Variants in UBA6 observed in about 807,000 individuals in gnomAD.
UBA6 encodes the protein ubiquitin-like modifier-activating enzyme 6.
UBA6 carries 87 observed loss-of-function variants against 148.3 expected under a neutral mutation model. The observed-to-expected ratio is 0.59, with a 90% CI of 0.49 to 0.70. The LOEUF (loss-of-function observed/expected upper bound fraction) is 0.70. Ranked by LOEUF, UBA6 falls within the 30% of genes least tolerant of loss-of-function variation. UBA6 has a pLI of 0.00. For missense variants in UBA6, 1,186 were observed against 1,241.2 expected (o/e 0.96, Z 0.67); for synonymous variants, 376 against 401.0 (o/e 0.94, Z 0.75).
intron 13 of UBA6, among the ~76,000 whole-genome samples, chr4:67,656,426 A>C (rs1158760307): frequency 6.6e-6 from 1 of 152,254 alleles, no homozygotes; most frequent in Middle Eastern, 3.2e-3. Flanking sequence ...CCAACGACAA[A>C]AACCACATGA....
chr4:67,648,969 T>C, intron 14 of UBA6, 99 bp downstream of exon 14: 1 of 1,308,328 alleles, frequency 7.6e-7, no homozygotes, highest in Non-Finnish European at 1.0e-6. Context: ...TCAAAAAGTA[T>C]TTTAAGGTCG....
rs561657715 is a variant in UBA6 at position 67,629,336 on chromosome 4, G to A, written c.2329-194C>T. ...CCATAAAGGTTATGGGGGAGGAGAA[G>A]GTAAGGGGTAAAAAAGTACTTATTA... On this transcript the variant is annotated intron_variant, in intron 26 of 32. Transcript: ENST00000322244. Among the ~76,000 whole-genome samples, 9 of 151,730 alleles carry A rather than the reference G, an allele frequency of 5.9e-5. No individual in the cohort carries two copies. The South Asian group carries it at 1.9e-3, about 32-fold the overall frequency.
intron 5 of UBA6, 107 bp from the exon 6 acceptor site, chr4:67,677,829 T>G (rs1730322211): frequency 1.8e-6 from 1 of 551,530 alleles, no homozygotes; most frequent in Non-Finnish European, 3.1e-6. Context: ...TTACAAAATT[T>G]CAATGGAAAC....
intron 4 of UBA6, 28 bp from the exon 5 acceptor site, chr4:67,678,561 A>C (rs1226252273): frequency 7.2e-7 from 1 of 1,395,042 alleles, no homozygotes; most frequent in Non-Finnish European, 1.0e-6. Flanking sequence ...GTATTGGTTG[A>C]AGTCAGGAGT....
intron 5 of UBA6, 127 bp downstream of exon 5, chr4:67,678,312 C>A: frequency 2.2e-6 from 1 of 447,400 alleles, no homozygotes; most frequent in African/African-American, 2.1e-5. Flanking sequence ...ATAAAAATAT[C>A]TTTACCTGTA....
chr4:67,613,025 G>A lies in UBA6; in HGVS notation c.*5972C>T, dbSNP rs1577779446. On this transcript the variant is annotated 3_prime_UTR_variant, in exon 33 of 33. Transcript: ENST00000322244. ...AAAAAGAGTCCAGGGTCAGTGAAGA[G>A]GTAAGGGCCTGGTAACTCCAAACCA... The A allele has an allele frequency of 6.6e-6, 1 of 152,224 alleles. No homozygotes were observed. The highest frequency in any genetic ancestry group is 1.5e-5 in the Non-Finnish European group (1 of 68,070). 9.4% of individuals were successfully genotyped at this position (152,224 alleles called of 1,614,324 possible).
intron 13 of UBA6, among the ~76,000 whole-genome samples, chr4:67,658,143 A>G (rs1266036041): frequency 2.0e-5 from 3 of 152,210 alleles, no homozygotes; most frequent in African/African-American, 7.2e-5. Context: ...CAATTCCTCA[A>G]GGATCTAGAA....
At chr4:67,687,830 A>G (rs1288884946) in intron 2 of UBA6, among the ~76,000 whole-genome samples, 1 of 152,198 alleles carries the variant, frequency 6.6e-6, no homozygotes, top group Non-Finnish European at 1.5e-5. Flanking sequence ...TTAAATAATC[A>G]GTACCACAAA....
intron 2 of UBA6, 85 bp downstream of exon 2, chr4:67,696,560 C>T (rs1237010084): frequency 1.4e-5 from 15 of 1,043,930 alleles, no homozygotes; most frequent in Admixed American, 2.1e-5. Flanking sequence ...TCTGCATAGG[C>T]TGAATGGTAT....
At position 67,696,514 on chromosome 4, in the gene UBA6, T is replaced by TAC. The variant is rs1730842301; in HGVS notation, c.134+129_134+130dup. ...ACATATATATACACACATACATATATACATACACACACACACACACACACA... is the reference window on the plus strand; with the variant it reads ...ACATATATATACACACATACATATATACACATACACACACACACACACACACA... On this transcript the variant is annotated intron_variant, in intron 2 of 32. Coordinates refer to ENST00000322244, the MANE Select transcript of UBA6 (RefSeq NM_018227.6). The TAC allele has an allele frequency of 2.6e-5, 16 of 606,168 alleles. No individual in the cohort carries two copies. The South Asian group carries it at 3.1e-4, about 12-fold the overall frequency. 37.5% of individuals were successfully genotyped at this position (606,168 alleles called of 1,614,324 possible). A position where few individuals can be genotyped will look rare whatever the true frequency, so the allele number is the denominator to read the frequency against.
At chr4:67,624,894 C>A (rs1728829630) in intron 29 of UBA6, 100 bp downstream of exon 29, 5 of 924,056 alleles carry the variant, frequency 5.4e-6, no homozygotes, top group Non-Finnish European at 7.9e-6. Context: ...ATTTATCCTT[C>A]CCTCTCTAAC....
Position 67,634,505 on chromosome 4 carries a change from T to C in UBA6, c.1856A>G (p.Glu619Gly). The C allele has an allele frequency of 1.3e-6, 2 of 1,572,198 alleles. No homozygotes were observed. Among genetic ancestry groups the C allele is most frequent in the Non-Finnish European group, 1.7e-6 (2 of 1,166,732 alleles). ...ESYNSHRDPP[E>G]EEIPFCTLKS... is the part of the protein sequence containing the mutation. ...TAGAGTACAAAATGGTATTTCCTCT[T>C]CTGGGGGATCCCGCTAATTTATAAA... is the stretch of plus-strand genomic sequence containing the variant. The change falls in exon 21 of 33, where the codon GAA (glutamate) becomes GGA (glycine). Residue 619 changes from glutamate (E) to glycine (G), a missense_variant. By Grantham distance (98) the Glu-to-Gly change is moderately conservative. Coordinates refer to ENST00000322244, the MANE Select transcript of UBA6 (RefSeq NM_018227.6).
At chr4:67,644,607 A>G (rs1263631104) in intron 17 of UBA6, 91 bp downstream of exon 17, 13 of 709,908 alleles carry the variant, frequency 1.8e-5, no homozygotes, top group Non-Finnish European at 2.9e-5. Context: ...TTTTCAAAAA[A>G]CTGATACTTC....
intron 19 of UBA6, among the ~76,000 whole-genome samples, chr4:67,637,103 C>T (rs1729171497): frequency 6.7e-6 from 1 of 149,512 alleles, no homozygotes; most frequent in African/African-American, 2.5e-5. Flanking sequence ...AAGTGAGGAG[C>T]CCCTCCGCCC....
At chr4:67,635,606 A>G (rs1357557627) in intron 19 of UBA6, 48 bp from the exon 20 acceptor site, 2 of 1,169,724 alleles carry the variant, frequency 1.7e-6, no homozygotes, top group Non-Finnish European at 2.6e-6. Flanking sequence ...AGCAATAACA[A>G]TGTAACCAAA....
intron 30 of UBA6, among the ~76,000 whole-genome samples, chr4:67,623,435 T>G (rs1016668688): frequency 6.6e-6 from 1 of 152,182 alleles, no homozygotes; most frequent in Non-Finnish European, 1.5e-5. Context: ...ATCAGTACCT[T>G]GCTGATCCTT....
chr4:67,676,899 G>GA (rs33997749), intron 6 of UBA6, among the ~76,000 whole-genome samples: 24,221 of 127,896 alleles, frequency 0.19, 2,005 homozygotes, highest in East Asian at 0.26. Context: ...TTTACTCACA[G>GA]AAAAAAAAAA....
chr4:67,649,589 A>G (rs1264479524), intron 13 of UBA6, among the ~76,000 whole-genome samples: 1 of 152,204 alleles, frequency 6.6e-6, no homozygotes, highest in East Asian at 1.9e-4. Flanking sequence ...GAAAACTACT[A>G]TGAAAAAACC....
chr4:67,698,596 T>C (rs891000644), intron 1 of UBA6, among the ~76,000 whole-genome samples: 1 of 152,064 alleles, frequency 6.6e-6, no homozygotes, highest in African/African-American at 2.4e-5. Context: ...ACCCAGGCAG[T>C]CTAGCTCTTG....
Sources: allele counts gnomAD v4.1 joint callset (sites outside exome capture counted in the v4.1 genomes callset), GRCh38; gene constraint gnomAD v4.1.1; transcripts MANE v1.5; gene names NCBI Gene and HGNC (gene_info 2026-07-23, HGNC 2026-07-21).